RIN3: variants seen among roughly 807,000 people sequenced by gnomAD.
RIN3 encodes the protein RAB5 interacting protein 3.
A neutral mutation model predicts 76.3 loss-of-function variants in RIN3; 54 were observed. That is an observed-to-expected ratio of 0.71 (90% CI 0.57 to 0.89). The LOEUF (loss-of-function observed/expected upper bound fraction) is 0.89. RIN3 is among the 40% of genes least tolerant of loss of function. The probability of loss-of-function intolerance (pLI) is 0.00; values close to 1 mark genes in which losing one functional copy is unlikely to be tolerated. For synonymous variants in RIN3, 576 were observed against 564.0 expected (o/e 1.02, Z -0.30); for missense variants, 1,256 against 1,322.1 (o/e 0.95, Z 0.78).
intron 3 of RIN3, among the ~76,000 whole-genome samples, chr14:92,584,496 A>T (rs577088974): frequency 6.6e-6 from 1 of 152,208 alleles, no homozygotes; most frequent in Non-Finnish European, 1.5e-5. Flanking sequence ...TTGAACAAGC[A>T]TTATGTGAAC....
rs1421724777 is a variant in RIN3 at position 92,651,911 on chromosome 14, C to CCCCTGCAG, written c.874_881dup (p.Gln296AlafsTer46). The CCCCTGCAG allele has an allele frequency of 1.2e-5, 16 of 1,333,472 alleles. No homozygotes were observed. In the Admixed American group the frequency reaches 2.5e-4, roughly 21 times the overall value. The allele number at this position is 1,333,472 out of a possible 1,614,324, so 82.6% of individuals were successfully genotyped here. ...CCCACCACCCCCTCCCCCAGTGCTGCCCCTGCAGCCCTGCAGCCCAGCCCA... is the reference window on the plus strand; with the variant it reads ...CCCACCACCCCCTCCCCCAGTGCTGCCCCTGCAGCCCTGCAGCCCTGCAGCCCAGCCCA... On this transcript the variant is annotated frameshift_variant, in exon 6 of 10. Transcript: ENST00000216487. LOFTEE classifies it high-confidence loss of function.
At chr14:92,670,816 C>T (rs1888263816) in intron 7 of RIN3, among the ~76,000 whole-genome samples, 2 of 152,194 alleles carry the variant, frequency 1.3e-5, no homozygotes, top group Non-Finnish European at 1.5e-5. Flanking sequence ...GGGCATCTAT[C>T]TCTTCCCAGC....
intron 1 of RIN3, among the ~76,000 whole-genome samples, chr14:92,517,926 C>T (rs923106443): frequency 2.6e-5 from 4 of 152,172 alleles, no homozygotes; most frequent in African/African-American, 9.7e-5. Context: ...ACATGCTGTC[C>T]TATTTAAAAG....
intron 3 of RIN3, among the ~76,000 whole-genome samples, chr14:92,600,365 C>G (rs1885300584): frequency 6.6e-6 from 1 of 152,190 alleles, no homozygotes; most frequent in Admixed American, 6.5e-5. Context: ...TTCCCCGTCC[C>G]AAGAGCTGGG....
chr14:92,574,252 A>C (rs1385318809), intron 2 of RIN3, among the ~76,000 whole-genome samples: 1 of 152,230 alleles, frequency 6.6e-6, no homozygotes, highest in Non-Finnish European at 1.5e-5. Flanking sequence ...GAGCTTGAGG[A>C]GGCAGTATCT....
intron 3 of RIN3, among the ~76,000 whole-genome samples, chr14:92,597,832 C>A (rs771888208): frequency 2.6e-5 from 4 of 152,156 alleles, no homozygotes; most frequent in Admixed American, 6.5e-5. Flanking sequence ...TGAGTTATGA[C>A]GCAAAATATT....
At chr14:92,619,439 T>TC (rs1260368868) in intron 4 of RIN3, among the ~76,000 whole-genome samples, 1 of 138,332 alleles carries the variant, frequency 7.2e-6, no homozygotes, top group East Asian at 2.0e-4. Flanking sequence ...AGTAGTCTTT[T>TC]TTTTTTTTTT....
At chr14:92,582,212 G>C (rs1195803830) in intron 3 of RIN3, among the ~76,000 whole-genome samples, 1 of 152,146 alleles carries the variant, frequency 6.6e-6, no homozygotes, top group Non-Finnish European at 1.5e-5. Flanking sequence ...GACAGAGACG[G>C]CCAGCCTACT....
intron 5 of RIN3, among the ~76,000 whole-genome samples, chr14:92,650,426 C>A (rs1887371267): frequency 6.6e-6 from 1 of 152,238 alleles, no homozygotes; most frequent in African/African-American, 2.4e-5. Flanking sequence ...GGCTCACGCG[C>A]AGCAAGAACG....
intron 3 of RIN3, among the ~76,000 whole-genome samples, chr14:92,593,418 A>G (rs2140079815): frequency 6.6e-6 from 1 of 152,328 alleles, no homozygotes; most frequent in Admixed American, 6.5e-5. Context: ...TATGCTGTCT[A>G]CAAGAAACCC....
chr14:92,660,510 T>C (rs564725888), intron 7 of RIN3, among the ~76,000 whole-genome samples: 3 of 152,182 alleles, frequency 2.0e-5, no homozygotes, highest in Non-Finnish European at 2.9e-5. Context: ...GGGATGGGGA[T>C]GACTGAGCCA....
chr14:92,579,888 G>A (rs1898380439), intron 3 of RIN3, among the ~76,000 whole-genome samples: 1 of 152,250 alleles, frequency 6.6e-6, no homozygotes, highest in East Asian at 1.9e-4. Flanking sequence ...GAGGATACAG[G>A]TCACTGTGGG....
chr14:92,629,118 AGAG>A (rs1243877217), intron 4 of RIN3, among the ~76,000 whole-genome samples: 1 of 2,920 alleles, frequency 3.4e-4, no homozygotes, highest in African/African-American at 5.0e-3. Context: ...GGAAAGGAAA[AGAG>A]AGAGAGAGAG....
intron 7 of RIN3, among the ~76,000 whole-genome samples, chr14:92,674,745 TG>T (rs953498546): frequency 1.3e-5 from 2 of 151,882 alleles, no homozygotes; most frequent in African/African-American, 4.8e-5. Context: ...AAAAATCAGC[TG>T]GGTATGGCAG....
intron 7 of RIN3, among the ~76,000 whole-genome samples, chr14:92,663,998 T>C (rs1887979697): frequency 6.6e-6 from 1 of 152,166 alleles, no homozygotes; most frequent in African/African-American, 2.4e-5. Flanking sequence ...TCAAAGTTTA[T>C]GAATGAGCGT....
intron 3 of RIN3, among the ~76,000 whole-genome samples, chr14:92,595,784 C>T (rs1885130049): frequency 6.6e-6 from 1 of 152,174 alleles, no homozygotes; most frequent in African/African-American, 2.4e-5. Context: ...AGGCGCCGTT[C>T]TTCTTTTGCC....
chr14:92,599,623 A>G (rs973211623), intron 3 of RIN3, among the ~76,000 whole-genome samples: 2 of 152,136 alleles, frequency 1.3e-5, no homozygotes, highest in Non-Finnish European at 1.5e-5. Flanking sequence ...ATACTTGACA[A>G]GAAAGATCAA....
intron 4 of RIN3, among the ~76,000 whole-genome samples, chr14:92,628,220 G>T (rs1417302810): frequency 6.6e-6 from 1 of 152,202 alleles, no homozygotes; most frequent in African/African-American, 2.4e-5. Flanking sequence ...CTTTGAAGAG[G>T]AACTATTTGT....
At chr14:92,658,630 T>C (rs911254381) in intron 6 of RIN3, among the ~76,000 whole-genome samples, 3 of 152,190 alleles carry the variant, frequency 2.0e-5, no homozygotes, top group African/African-American at 4.8e-5. Context: ...CAAGAGATGA[T>C]GGTGGTAGCC....
Sources: allele counts gnomAD v4.1 joint callset (sites outside exome capture counted in the v4.1 genomes callset), GRCh38; gene constraint gnomAD v4.1.1; transcripts MANE v1.5; gene names NCBI Gene and HGNC (gene_info 2026-07-23, HGNC 2026-07-21).